The following NRXN3 variants were observed in gnomAD, a reference collection of about 807,000 sequenced individuals.
NRXN3 encodes neurexin 3.
Under a neutral mutation model 137.6 loss-of-function variants are expected in NRXN3, and 32 were observed. The ratio of observed to expected loss-of-function variants is 0.23; its 90% CI spans 0.18 to 0.31. The LOEUF (loss-of-function observed/expected upper bound fraction) is 0.31, where lower values mean the gene tolerates loss of function less well. Ranked by LOEUF, NRXN3 falls within the 10% of genes least tolerant of loss-of-function variation. NRXN3 has a pLI of 1.00. For synonymous variants in NRXN3, 798 were observed against 784.5 expected (o/e 1.02, Z -0.29); for missense variants, 1,574 against 2,062.5 (o/e 0.76, Z 4.59).
In NRXN3 at chr14:79,434,368, A is replaced by C. The variant is rs2095810232; in HGVS notation, c.3263-32853A>C. Among the ~76,000 whole-genome samples, 2 of 152,146 alleles carry C rather than the reference A, an allele frequency of 1.3e-5. 1 individual carries two copies. Among genetic ancestry groups the C allele is most frequent in the South Asian group, 4.1e-4 (2 of 4,830 alleles). ...AAAAAAAATCAAGCTGAAGTCAAAG[A>C]AGCTTAATAAAAATGTAAATCCTCT... On this transcript the variant is annotated intron_variant, in intron 15 of 20. Coordinates refer to ENST00000335750, the MANE Select transcript of NRXN3 (RefSeq NM_001330195.2).
At chr14:78,408,669 G>A (rs978061612) in intron 4 of NRXN3, among the ~76,000 whole-genome samples, 6 of 152,310 alleles carry the variant, frequency 3.9e-5, no homozygotes, top group Admixed American at 3.3e-4. Flanking sequence ...AGGTGCCTCT[G>A]AATAGCTTAT....
intron 10 of NRXN3, among the ~76,000 whole-genome samples, chr14:78,950,965 G>C (rs2099386012): frequency 6.6e-6 from 1 of 152,000 alleles, no homozygotes; most frequent in Non-Finnish European, 1.5e-5. Flanking sequence ...CATCTACCCA[G>C]TTTGTCAGAG....
chr14:78,291,810 A>C (rs894889934), intron 3 of NRXN3, among the ~76,000 whole-genome samples: 1 of 152,228 alleles, frequency 6.6e-6, no homozygotes, highest in Non-Finnish European at 1.5e-5. Flanking sequence ...TGAAAAAAAG[A>C]GATGATATAT....
intron 10 of NRXN3, among the ~76,000 whole-genome samples, chr14:78,912,632 A>C (rs1387279587): frequency 3.3e-5 from 5 of 152,126 alleles, no homozygotes; most frequent in Non-Finnish European, 7.4e-5. Context: ...AAAAGGTTAG[A>C]TAGAACTTGG....
At chr14:78,176,269 C>G (rs181327250) in intron 1 of NRXN3, among the ~76,000 whole-genome samples, 115 of 152,202 alleles carry the variant, frequency 7.6e-4, no homozygotes, top group African/African-American at 2.6e-3. Flanking sequence ...TTTGAGATCC[C>G]TCTAATATTA....
At chr14:78,185,956 G>GA (rs1483913893) in intron 1 of NRXN3, among the ~76,000 whole-genome samples, 15 of 152,148 alleles carry the variant, frequency 9.9e-5, no homozygotes, top group African/African-American at 3.6e-4. Flanking sequence ...CTTGGAGCAT[G>GA]GTATGTATTG....
At chr14:78,598,954 G>A (rs2097180812) in intron 4 of NRXN3, among the ~76,000 whole-genome samples, 2 of 152,216 alleles carry the variant, frequency 1.3e-5, no homozygotes, top group Non-Finnish European at 2.9e-5. Flanking sequence ...AAGATCATAT[G>A]GGCATTGTTG....
intron 15 of NRXN3, among the ~76,000 whole-genome samples, chr14:79,119,322 A>G (rs756899649): frequency 8.5e-5 from 13 of 152,148 alleles, no homozygotes; most frequent in Non-Finnish European, 1.5e-4. Context: ...ATATGAATCA[A>G]ATCTAAGCTG....
rs952206042 is a variant in NRXN3 at position 79,036,084 on chromosome 14, C to T, written c.3262+47943C>T. 2.3e-4 allele frequency among the ~76,000 whole-genome samples: 35 copies of T among 151,896 alleles called. 2 individuals are homozygous for T. The highest frequency in any genetic ancestry group is 2.3e-3 in the Admixed American group (35 of 15,222). On this transcript the variant is annotated intron_variant, in intron 15 of 20. Transcript: ENST00000335750. Reference sequence around the variant, plus strand: ...TCGTAGTTTTTACATGGTAGTTTTTCCTTGTTGGAGGACAGTTGCATTTTA... The same window carrying T: ...TCGTAGTTTTTACATGGTAGTTTTTTCTTGTTGGAGGACAGTTGCATTTTA...
intron 16 of NRXN3, among the ~76,000 whole-genome samples, chr14:79,478,287 G>A (rs893338644): frequency 6.6e-6 from 1 of 151,484 alleles, no homozygotes; most frequent in Non-Finnish European, 1.5e-5. Context: ...TAGAGGGTAG[G>A]GGATAACCTA....
chr14:79,362,273 A>G (rs1336553031), intron 15 of NRXN3, among the ~76,000 whole-genome samples: 3 of 151,702 alleles, frequency 2.0e-5, no homozygotes, highest in African/African-American at 4.8e-5. Flanking sequence ...TACATTAGGT[A>G]TATCTCCTAA....
At chr14:78,233,688 C>A (rs74768806) in intron 1 of NRXN3, among the ~76,000 whole-genome samples, 637 of 117,280 alleles carry the variant, frequency 5.4e-3, no homozygotes, top group South Asian at 7.3e-3. Flanking sequence ...AAGTATGCTT[C>A]AAAAAAAAAA....
rs140195942 is a variant in NRXN3 at position 79,020,123 on chromosome 14, C to CTTTCTTTTCT, written c.3262+31986_3262+31987insTTTTCTTTTC. On this transcript the variant is annotated intron_variant, in intron 15 of 20. Transcript: ENST00000335750. ...ATGGCTTCAAGGTTGCTTTCTTTTC[C>CTTTCTTTTCT]TTTCCCTTCCCTTCCCTTCCCTTCC... Among the ~76,000 whole-genome samples the CTTTCTTTTCT allele has an allele frequency of 2.7e-4, 37 of 136,440 alleles. 1 individual carries two copies. The highest frequency in any genetic ancestry group is 1.0e-3 in the African/African-American group (35 of 34,312). 89.5% of individuals were successfully genotyped at this position (136,440 alleles called of 152,430 possible).
At chr14:78,929,033 A>G (rs755390197) in intron 10 of NRXN3, among the ~76,000 whole-genome samples, 8 of 151,988 alleles carry the variant, frequency 5.3e-5, no homozygotes, top group Non-Finnish European at 1.0e-4. Context: ...CTTGATTTGC[A>G]TTTCTCTGAT....
chr14:78,919,696 G>A (rs889459128), intron 10 of NRXN3, among the ~76,000 whole-genome samples: 1 of 152,156 alleles, frequency 6.6e-6, no homozygotes, highest in African/African-American at 2.4e-5. Context: ...AAGATGTTAA[G>A]TGACTTGTTC....
chr14:78,204,756 G>C lies in NRXN3; in HGVS notation c.-704+34082G>C, dbSNP rs186898985. On this transcript the variant is annotated intron_variant, in intron 1 of 20. Coordinates refer to ENST00000335750, the MANE Select transcript of NRXN3 (RefSeq NM_001330195.2). ...TTTCAAAAATTTCTAGCAGGCACAT[G>C]TATTATTATTGTAATCCTACACAAA... 1.9e-4 allele frequency among the ~76,000 whole-genome samples: 29 copies of C among 152,310 alleles called. 1 individual carries two copies. The highest frequency in any genetic ancestry group is 3.9e-4 in the Admixed American group (6 of 15,298).
At chr14:79,269,285 G>T (rs1270784327) in intron 15 of NRXN3, among the ~76,000 whole-genome samples, 1 of 152,106 alleles carries the variant, frequency 6.6e-6, no homozygotes, top group African/African-American at 2.4e-5. Flanking sequence ...TCCTGACCTT[G>T]TGATCCACCC....
intron 4 of NRXN3, among the ~76,000 whole-genome samples, chr14:78,467,963 G>T (rs1322232500): frequency 6.6e-6 from 1 of 151,910 alleles, no homozygotes; most frequent in Non-Finnish European, 1.5e-5. Flanking sequence ...TCGTTCTGTC[G>T]CACAGGCTGG....
At chr14:78,654,338 C>T (rs773749552) in intron 6 of NRXN3, among the ~76,000 whole-genome samples, 1 of 152,198 alleles carries the variant, frequency 6.6e-6, no homozygotes, top group Non-Finnish European at 1.5e-5. Flanking sequence ...AAAATCTTCT[C>T]TTGCCATTTG....
Sources: allele counts gnomAD v4.1 joint callset (sites outside exome capture counted in the v4.1 genomes callset), GRCh38; gene constraint gnomAD v4.1.1; transcripts MANE v1.5; gene names NCBI Gene and HGNC (gene_info 2026-07-23, HGNC 2026-07-21).